The following RRAGD variants were observed in gnomAD, a reference collection of about 807,000 sequenced individuals.
RRAGD encodes ras-related GTP-binding protein D.
Under a neutral mutation model 35.5 loss-of-function variants are expected in RRAGD, and 12 were observed. That is an observed-to-expected ratio of 0.34 (90% CI 0.22 to 0.55). The LOEUF (loss-of-function observed/expected upper bound fraction) is 0.55. Among genes scored for constraint, RRAGD ranks in the 20% least tolerant of loss-of-function variants. The probability of loss-of-function intolerance (pLI) is 0.91; values close to 1 mark genes in which losing one functional copy is unlikely to be tolerated. For missense variants in RRAGD, 324 were observed against 490.1 expected (o/e 0.66, Z 3.20); for synonymous variants, 155 against 178.9 (o/e 0.87, Z 1.07).
At chr6:89,376,305 GTGT>G (rs1768942086) in intron 5 of RRAGD, among the ~76,000 whole-genome samples, 5 of 22,100 alleles carry the variant, frequency 2.3e-4, no homozygotes, top group South Asian at 1.4e-3. Flanking sequence ...TGTGTGGTGT[GTGT>G]GTGTGTGTGT....
chr6:89,373,376 T>G (rs1346460856), intron 5 of RRAGD, among the ~76,000 whole-genome samples: 1 of 152,176 alleles, frequency 6.6e-6, no homozygotes, highest in African/African-American at 2.4e-5. Context: ...ATCCTAGCAC[T>G]TGGGAGACAG....
At position 89,372,501 on chromosome 6, in the gene RRAGD, T is replaced by C. The variant is rs1582503250; in HGVS notation, c.987A>G (p.Leu329=). ...IKLNNTTVLY[L]KEVTKFLALV... Reference sequence around the variant, plus strand: ...GAGCCAGGAACTTTGTCACCTCTTTTAAATAAAGCACGGTTGTATTATTAA... The same window carrying C: ...GAGCCAGGAACTTTGTCACCTCTTTCAAATAAAGCACGGTTGTATTATTAA... Residue 329 remains leucine, a synonymous_variant, in exon 6 of 7, where the codon TTA becomes TTG. Coordinates refer to ENST00000369415, the MANE Select transcript of RRAGD (RefSeq NM_021244.5). 1.9e-6 allele frequency: 3 copies of C among 1,613,390 alleles called. No individual in the cohort carries two copies. In the East Asian group the frequency reaches 6.7e-5, roughly 36 times the overall value.
Position 89,411,925 on chromosome 6 carries a change from A to ATCCTCCTCC in RRAGD, c.60_68dup (p.Glu20_Glu22dup), listed in dbSNP as rs760147769. 3 of 1,540,482 alleles carry ATCCTCCTCC rather than the reference A, an allele frequency of 1.9e-6. No individual in the cohort carries two copies. The highest frequency in any genetic ancestry group is 2.6e-6 in the Non-Finnish European group (3 of 1,145,270). On this transcript the variant is annotated inframe_insertion, in exon 1 of 7. Transcript: ENST00000369415. This position sits in a 1 kb window ranked among gnomAD's most constrained non-coding sequence, Gnocchi z 5.6. The stretch of plus-strand genomic sequence containing the variant: ...CGTAGTCCGCTAGCCCCACCAGCTC[A>ATCCTCCTCC]TCCTCCTCCTCCTCCTCCTCCGCGT...
At chr6:89,381,546 T>C (rs1769043784) in intron 2 of RRAGD, among the ~76,000 whole-genome samples, 1 of 152,232 alleles carries the variant, frequency 6.6e-6, no homozygotes, top group Non-Finnish European at 1.5e-5. Context: ...TTCTCACTCA[T>C]GTATACATTA....
At chr6:89,403,627 CTTTTTTTTTTTT>C (rs10715442) in intron 1 of RRAGD, among the ~76,000 whole-genome samples, 2 of 116,496 alleles carry the variant, frequency 1.7e-5, no homozygotes, top group Non-Finnish European at 3.4e-5. Context: ...TTTTCTTTTT[CTTTTTTTTTTTT>C]TTTTTTTGAG....
At chr6:89,409,469 A>G (rs891108798) in intron 1 of RRAGD, among the ~76,000 whole-genome samples, 10 of 152,242 alleles carry the variant, frequency 6.6e-5, no homozygotes, top group African/African-American at 2.4e-4. Flanking sequence ...ATCTTTTCTC[A>G]GAATAACTCC....
At chr6:89,391,969 A>G (rs28694339) in intron 1 of RRAGD, among the ~76,000 whole-genome samples, 2 of 149,892 alleles carry the variant, frequency 1.3e-5, no homozygotes, top group African/African-American at 5.0e-5. Flanking sequence ...AAAAAAAAAA[A>G]AAAAAAATCC....
At chr6:89,406,130 T>C (rs1387340429) in intron 1 of RRAGD, among the ~76,000 whole-genome samples, 1 of 152,148 alleles carries the variant, frequency 6.6e-6, no homozygotes, top group Non-Finnish European at 1.5e-5. Flanking sequence ...CTAAAAAACA[T>C]GATAAATACC....
At chr6:89,386,297 C>T (rs1335398225) in intron 2 of RRAGD, among the ~76,000 whole-genome samples, 3 of 152,180 alleles carry the variant, frequency 2.0e-5, no homozygotes, top group East Asian at 1.9e-4. Context: ...AATGTATCTG[C>T]CTGACACACT....
chr6:89,367,274 G>A lies in RRAGD; in HGVS notation c.*782C>T. 1 of 152,064 alleles carries A rather than the reference G, an allele frequency of 6.6e-6. No individual in the cohort carries two copies. Among genetic ancestry groups the A allele is most frequent in the East Asian group, 1.9e-4 (1 of 5,182 alleles). The allele number at this position is 152,064 out of a possible 1,614,324, so 9.4% of individuals were successfully genotyped here. On this transcript the variant is annotated 3_prime_UTR_variant, in exon 7 of 7. Coordinates refer to ENST00000369415, the MANE Select transcript of RRAGD (RefSeq NM_021244.5). ...AGTGACATTCTTACTTCTCTCCAGT[G>A]TTCGGCACCATTTTGGAAATCTGGT...
intron 1 of RRAGD, among the ~76,000 whole-genome samples, chr6:89,402,059 T>TTG (rs1230387750): frequency 6.8e-6 from 1 of 146,558 alleles, no homozygotes; most frequent in Non-Finnish European, 1.5e-5. Flanking sequence ...TTTTTTTTTT[T>TTG]TGGTGGGGGA....
intron 1 of RRAGD, among the ~76,000 whole-genome samples, chr6:89,403,538 C>T (rs6454756): frequency 0.67 from 101,569 of 151,606 alleles, 35,358 homozygotes; most frequent in African/African-American, 0.88. Flanking sequence ...CTGTGGAATA[C>T]TATAAGGCAA....
chr6:89,380,269 C>A lies in RRAGD; in HGVS notation c.543G>T (p.Val181=). 6.2e-7 allele frequency: 1 copy of A among 1,614,232 alleles called. No individual in the cohort carries two copies. Residue 181 remains valine (V), a synonymous_variant, in exon 3 of 7, where the codon GTG becomes GTT. Coordinates refer to ENST00000369415, the MANE Select transcript of RRAGD (RefSeq NM_021244.5). ...DINFEVFIHK[V]DGLSDDHKIE... ...TTTTGTGGTCATCTGACAGACCATCCACTTTATGAATAAACACCTCGAAGT... is the reference window on the plus strand; with the variant it reads ...TTTTGTGGTCATCTGACAGACCATCAACTTTATGAATAAACACCTCGAAGT...
intron 5 of RRAGD, among the ~76,000 whole-genome samples, 161 bp downstream of exon 5, chr6:89,377,510 A>G (rs1001722706): frequency 2.0e-5 from 3 of 152,242 alleles, no homozygotes; most frequent in African/African-American, 7.2e-5. Context: ...CATTTGCTCA[A>G]TAACTGTTAT....
chr6:89,387,239 G>C lies in RRAGD; in HGVS notation c.444+56C>G, dbSNP rs1266380060. ...GTTTAAAAACCAAACCAAAAACATG[G>C]GGTGGGGTGGAGGGGACCGGCCAGG... is the stretch of plus-strand genomic sequence containing the variant. On this transcript the variant is annotated intron_variant, in intron 2 of 6. Transcript: ENST00000369415. 4 of 1,533,824 alleles carry C rather than the reference G, an allele frequency of 2.6e-6. No homozygotes were observed. The East Asian group carries it at 9.1e-5, about 35-fold the overall frequency.
In RRAGD at chr6:89,412,110, G is replaced by A; in HGVS notation, c.-117C>T. 9.8e-7 allele frequency: 1 copy of A among 1,021,134 alleles called. No individual in the cohort carries two copies. The highest frequency in any genetic ancestry group is 1.3e-6 in the Non-Finnish European group (1 of 783,760). The allele number at this position is 1,021,134 out of a possible 1,614,324, so 63.3% of individuals were successfully genotyped here. ...CGGAGGTTTGTCTAGAGCTCAGCGG[G>A]GCCCGGCGGAAGCGGGGGCCGCGCG... On this transcript the variant is annotated 5_prime_UTR_variant, in exon 1 of 7. Coordinates refer to ENST00000369415, the MANE Select transcript of RRAGD (RefSeq NM_021244.5). The surrounding 1 kb of genome is among the most constrained non-coding windows in gnomAD (Gnocchi z 4.2).
intron 4 of RRAGD, among the ~76,000 whole-genome samples, chr6:89,378,529 A>G (rs957239986): frequency 1.3e-5 from 2 of 152,242 alleles, no homozygotes; most frequent in African/African-American, 4.8e-5. Context: ...GTCTGCCTCA[A>G]TTCAACTCAG....
At chr6:89,404,835 A>C (rs915400260) in intron 1 of RRAGD, among the ~76,000 whole-genome samples, 27 of 152,192 alleles carry the variant, frequency 1.8e-4, no homozygotes, top group Non-Finnish European at 3.8e-4. Flanking sequence ...ACCAGAAATC[A>C]GGAAAATGGG....
rs928042209 is a variant in RRAGD at position 89,410,301 on chromosome 6, T to A, written c.148+1545A>T. The stretch of plus-strand genomic sequence containing the variant: ...TTTTTTTCTTTTTTAAAAAAGAGAA[T>A]CCCACACACACCCTACTGTGTCCAC... On this transcript the variant is annotated intron_variant, in intron 1 of 6. Transcript: ENST00000369415. Among the ~76,000 whole-genome samples, 11 of 152,086 alleles carry A rather than the reference T, an allele frequency of 7.2e-5. No individual in the cohort carries two copies. In the East Asian group the frequency reaches 1.9e-3, roughly 27 times the overall value.
Sources: gnomAD v4.1 joint callset for allele counts (sites outside exome capture counted in the v4.1 genomes callset) on GRCh38, gnomAD v4.1.1 for gene constraint, Gnocchi (gnomAD v3.1) non-coding constraint, MANE v1.5 for transcripts, NCBI Gene and HGNC (gene_info 2026-07-23, HGNC 2026-07-21) for gene names.